Variants in ASPG observed in about 807,000 individuals in gnomAD.
ASPG encodes the protein asparaginase.
In ASPG, 53 loss-of-function variants were observed where a neutral mutation model predicts 63.2. The ratio of observed to expected loss-of-function variants is 0.84; its 90% CI spans 0.67 to 1.05. The LOEUF is 1.05. Ranked by LOEUF, ASPG falls within the 50% of genes least tolerant of loss-of-function variation. The pLI, the probability that ASPG is intolerant of heterozygous loss-of-function variation, is 0.00. For synonymous variants in ASPG, 370 were observed against 355.0 expected, an observed-to-expected ratio of 1.04 and a Z score of -0.48; for missense variants, 741 against 794.4, an observed-to-expected ratio of 0.93 and a Z score of 0.81.
Position 104,107,246 on chromosome 14 carries a change from G to C in ASPG, c.1334G>C (p.Gly445Ala), listed in dbSNP as rs1188960422. 2 of 1,608,142 alleles carry C rather than the reference G, an allele frequency of 1.2e-6. No homozygotes were observed. Among genetic ancestry groups the C allele is most frequent in the Non-Finnish European group, 1.7e-6 (2 of 1,177,038 alleles). ...QTPLHAAARGGHTEAVTMLLQ... is the reference protein window; with the variant it reads ...QTPLHAAARGAHTEAVTMLLQ... ...CCACTGCACGCGGCCGCCCGGGGAGGCCACACAGAGGCAGTCACCATGCTG... is the reference window on the plus strand; with the variant it reads ...CCACTGCACGCGGCCGCCCGGGGAGCCCACACAGAGGCAGTCACCATGCTG... The change falls in exon 12 of 16, where the codon GGC becomes GCC. Residue 445 changes from glycine to alanine, a missense_variant. By Grantham distance (60) the Gly-to-Ala change is moderately conservative. Coordinates refer to ENST00000551177, the MANE Select transcript of ASPG (RefSeq NM_001080464.3).
rs371164876 is a variant in ASPG, at chr14:104,111,524, G to A, written c.1543G>A (p.Glu515Lys). 7.7e-6 allele frequency: 12 copies of A among 1,551,180 alleles called. No homozygotes were observed. Among genetic ancestry groups the A allele is most frequent in the Non-Finnish European group, 8.7e-6 (10 of 1,147,266 alleles). ...CAGGCTGGCATACAGGGCCGACCTC[G>A]AAGGCCTGCAGGTGTGGTGGCAGGC... Reference protein sequence around the residue: ...LCRLAYRADLEGLQVWWQAGA... With the variant: ...LCRLAYRADLKGLQVWWQAGA... The change falls in exon 14 of 16, where the codon GAA becomes AAA. Residue 515 changes from glutamate (E) to lysine (K), a missense_variant. Transcript: ENST00000551177.
chr14:104,093,408 CAG>C, intron 2 of ASPG, 81 bp from the exon 3 acceptor site: 1 of 1,275,672 alleles, frequency 7.8e-7, no homozygotes, highest in Non-Finnish European at 1.1e-6. Context: ...CAGAGGGGAA[CAG>C]AGCGGGTCAG....
rs2036571611 is a variant in ASPG, at chr14:104,095,791, G to A, written c.429+135G>A. The A allele has an allele frequency of 2.5e-6, 3 of 1,211,286 alleles. No homozygotes were observed. The Admixed American group carries it at 7.0e-5, about 28-fold the overall frequency. The allele number at this position is 1,211,286 out of a possible 1,614,324, so 75.0% of individuals were successfully genotyped here. On this transcript the variant is annotated intron_variant, in intron 4 of 15. Coordinates refer to ENST00000551177, the MANE Select transcript of ASPG (RefSeq NM_001080464.3). ...CAGCTCCTGAGGTGGCTGCTGCAGG[G>A]CCCGTGCTGGGGCTCGCAAATGCTC...
intron 5 of ASPG, among the ~76,000 whole-genome samples, chr14:104,097,902 AT>A (rs1419745674): frequency 7.3e-6 from 1 of 137,280 alleles, no homozygotes; most frequent in Admixed American, 7.4e-5. Flanking sequence ...TGCGTTAGAG[AT>A]GCGTATGGAG....
At chr14:104,112,356 C>T in intron 15 of ASPG, 168 bp from the exon 16 acceptor site, 1 of 658,138 alleles carries the variant, frequency 1.5e-6, no homozygotes, top group Non-Finnish European at 2.8e-6. Flanking sequence ...GGCCAGTTCC[C>T]AGCTGACACC....
At chr14:104,099,144 T>C (rs2036759650) in intron 6 of ASPG, among the ~76,000 whole-genome samples, 165 bp downstream of exon 6, 1 of 152,196 alleles carries the variant, frequency 6.6e-6, no homozygotes, top group African/African-American at 2.4e-5. Context: ...AAGCCAGGGC[T>C]GCGTGGACAG....
chr14:104,105,833 G>A (rs1312210465), intron 10 of ASPG, among the ~76,000 whole-genome samples: 1 of 152,174 alleles, frequency 6.6e-6, no homozygotes, highest in Non-Finnish European at 1.5e-5. Flanking sequence ...CGGAGGTGAG[G>A]GCCAGCCTTT....
intron 12 of ASPG, among the ~76,000 whole-genome samples, chr14:104,107,708 C>T (rs557684423): frequency 3.3e-5 from 5 of 152,330 alleles, no homozygotes; most frequent in African/African-American, 1.2e-4. Flanking sequence ...GGAGGACAGG[C>T]CCAGCCTGTG....
chr14:104,086,186 G>T (rs1374856192), intron 1 of ASPG, among the ~76,000 whole-genome samples: 1 of 152,192 alleles, frequency 6.6e-6, no homozygotes, highest in Non-Finnish European at 1.5e-5. Flanking sequence ...CAGGGCATTG[G>T]CCTGCCGCTC....
chr14:104,104,515 G>C, intron 8 of ASPG, 29 bp downstream of exon 8: 1 of 1,606,088 alleles, frequency 6.2e-7, no homozygotes, highest in Non-Finnish European at 8.5e-7. Flanking sequence ...GGCCTAGCGG[G>C]GAAGGGGACA....
rs767513846 is a variant in ASPG at position 104,085,746 on chromosome 14, C to T, written c.-25C>T. On this transcript the variant is annotated 5_prime_UTR_variant, in exon 1 of 16. Coordinates refer to ENST00000551177, the MANE Select transcript of ASPG (RefSeq NM_001080464.3). The stretch of plus-strand genomic sequence containing the variant: ...CTGCGTCCCCGCTGCACACCCCCGT[C>T]CACTCCCGTGGTCCCCGGTCCGGCA... The T allele has an allele frequency of 8.3e-6, 13 of 1,561,918 alleles. No individual in the cohort carries two copies. Among genetic ancestry groups the T allele is most frequent in the Non-Finnish European group, 1.1e-5 (13 of 1,163,338 alleles).
Position 104,109,399 on chromosome 14 carries a change from A to G in ASPG, c.1520+84A>G. On this transcript the variant is annotated intron_variant, in intron 13 of 15. Transcript: ENST00000551177. This position sits in a 1 kb window ranked among gnomAD's most constrained non-coding sequence, Gnocchi z 4.8. Reference sequence around the variant, plus strand: ...CGAAGCCAGACCTGCTGGGAGGGACAAGTGAGTCAGGGTGTGGGGGCTTTC... The same window carrying G: ...CGAAGCCAGACCTGCTGGGAGGGACGAGTGAGTCAGGGTGTGGGGGCTTTC... The G allele has an allele frequency of 7.0e-7, 1 of 1,438,302 alleles. No homozygotes were observed. 89.1% of individuals were successfully genotyped at this position (1,438,302 alleles called of 1,614,324 possible).
intron 6 of ASPG, among the ~76,000 whole-genome samples, chr14:104,102,200 C>T (rs2036907505): frequency 6.6e-6 from 1 of 152,094 alleles, no homozygotes; most frequent in African/African-American, 2.4e-5. Context: ...GGGCATCTCA[C>T]GCTGCCATCA....
chr14:104,107,430 G>T, intron 12 of ASPG, 85 bp downstream of exon 12: 2 of 1,270,076 alleles, frequency 1.6e-6, no homozygotes, highest in Non-Finnish European at 1.0e-6. Context: ...CAGCCTCCCG[G>T]GGCTGGGCTG....
chr14:104,087,253 T>A (rs2036246185), intron 1 of ASPG, among the ~76,000 whole-genome samples: 1 of 152,148 alleles, frequency 6.6e-6, no homozygotes, highest in African/African-American at 2.4e-5. Context: ...TGGAACAAAG[T>A]CATTCACAGC....
chr14:104,112,471 C>T, intron 15 of ASPG, 53 bp from the exon 16 acceptor site: 1 of 1,037,116 alleles, frequency 9.6e-7, no homozygotes, highest in Non-Finnish European at 1.5e-6. Context: ...GTCTCTCTGC[C>T]CTGCCTTCGC....
chr14:104,103,702 C>T (rs930030352), intron 7 of ASPG, 27 bp downstream of exon 7: 20 of 1,533,830 alleles, frequency 1.3e-5, no homozygotes, highest in Middle Eastern at 4.6e-4. Context: ...CCATCCTGCC[C>T]CTGCAGCCCT....
intron 13 of ASPG, chr14:104,111,132 T>G (rs893003649): frequency 1.4e-5 from 14 of 985,282 alleles, no homozygotes; most frequent in Non-Finnish European, 1.7e-5. Flanking sequence ...CATATGTGTG[T>G]GCAAAGGCGC....
At chr14:104,104,565 C>G (rs1165308111) in intron 8 of ASPG, 57 bp from the exon 9 acceptor site, 2 of 1,585,714 alleles carry the variant, frequency 1.3e-6, no homozygotes, top group South Asian at 2.3e-5. Context: ...ACCCACCCCT[C>G]ATGGGCTGGG....
Sources: allele counts gnomAD v4.1 joint callset (sites outside exome capture counted in the v4.1 genomes callset), GRCh38; gene constraint gnomAD v4.1.1; non-coding constraint Gnocchi (gnomAD v3.1); transcripts MANE v1.5; gene names NCBI Gene and HGNC (gene_info 2026-07-23, HGNC 2026-07-21).